The following DNER variants were observed in gnomAD, a reference collection of about 807,000 sequenced individuals.
DNER encodes the protein delta/notch like EGF repeat containing, also known as delta and Notch-like epidermal growth factor-related receptor.
A neutral mutation model predicts 78.2 loss-of-function variants in DNER; 33 were observed. The observed-to-expected ratio is 0.42, with a 90% CI of 0.32 to 0.56. The LOEUF is 0.56. Ranked by LOEUF, DNER falls within the 20% of genes least tolerant of loss-of-function variation. The pLI is 0.11. For missense variants in DNER, 918 were observed against 975.3 expected, an observed-to-expected ratio of 0.94 and a Z score of 0.78; for synonymous variants, 417 against 384.8, an observed-to-expected ratio of 1.08 and a Z score of -0.98.
intron 9 of DNER, among the ~76,000 whole-genome samples, chr2:229,414,429 G>C (rs1693598378): frequency 6.6e-6 from 1 of 151,992 alleles, no homozygotes; most frequent in South Asian, 2.1e-4. Flanking sequence ...ACCACACCTG[G>C]CTAATTTTCG....
chr2:229,381,963 C>T (rs2106332859), intron 11 of DNER, among the ~76,000 whole-genome samples: 1 of 152,298 alleles, frequency 6.6e-6, no homozygotes, highest in South Asian at 2.1e-4. Flanking sequence ...TGGGTGCCTC[C>T]TGACAGAGAG....
chr2:229,511,069 G>A (rs1695856205), intron 6 of DNER, among the ~76,000 whole-genome samples: 2 of 152,170 alleles, frequency 1.3e-5, no homozygotes, highest in African/African-American at 2.4e-5. Flanking sequence ...AAGTTTAGGT[G>A]GGAATAGATA....
chr2:229,462,069 T>C (rs1398397007), intron 7 of DNER, among the ~76,000 whole-genome samples: 1 of 152,164 alleles, frequency 6.6e-6, no homozygotes, highest in Non-Finnish European at 1.5e-5. Context: ...GTAATTTAGC[T>C]AGTTGACTTT....
intron 4 of DNER, among the ~76,000 whole-genome samples, chr2:229,570,677 G>A (rs1304306736): frequency 1.3e-5 from 2 of 152,000 alleles, no homozygotes; most frequent in African/African-American, 4.8e-5. Context: ...AGAGAGCAGG[G>A]CACAGGCATG....
At chr2:229,500,746 A>G (rs541955777) in intron 6 of DNER, among the ~76,000 whole-genome samples, 110 of 150,662 alleles carry the variant, frequency 7.3e-4, no homozygotes, top group Non-Finnish European at 1.3e-3. Context: ...CAGATTGTGT[A>G]TGGTTACAAG....
At chr2:229,496,694 T>C (rs562204254) in intron 6 of DNER, among the ~76,000 whole-genome samples, 22 of 152,140 alleles carry the variant, frequency 1.4e-4, no homozygotes, top group African/African-American at 5.1e-4. Context: ...TCAAAAACTG[T>C]AAAAAGAGGC....
intron 10 of DNER, among the ~76,000 whole-genome samples, chr2:229,392,926 A>G (rs945073311): frequency 6.6e-6 from 1 of 152,200 alleles, no homozygotes; most frequent in African/African-American, 2.4e-5. Context: ...GACATGCAAC[A>G]AAGTAGGCTC....
intron 1 of DNER, among the ~76,000 whole-genome samples, chr2:229,609,145 C>T (rs1486826872): frequency 6.6e-6 from 1 of 152,158 alleles, no homozygotes; most frequent in Non-Finnish European, 1.5e-5. Context: ...ATCACGTGAA[C>T]CCAGGAGGCA....
At chr2:229,382,295 C>T (rs1692758005) in intron 11 of DNER, among the ~76,000 whole-genome samples, 1 of 152,074 alleles carries the variant, frequency 6.6e-6, no homozygotes, top group Admixed American at 6.5e-5. Flanking sequence ...TAGATAAATC[C>T]ACGAAGATGA....
chr2:229,567,040 T>C (rs1472006160), intron 4 of DNER, among the ~76,000 whole-genome samples: 1 of 152,206 alleles, frequency 6.6e-6, no homozygotes, highest in Non-Finnish European at 1.5e-5. Context: ...AGCCTCATGC[T>C]TTGTTGCAGT....
rs1488866222 is a variant in DNER, at chr2:229,358,046, C to T, written c.*494G>A. The T allele has an allele frequency of 1.3e-5, 2 of 152,718 alleles. No homozygotes were observed. Among genetic ancestry groups the T allele is most frequent in the African/African-American group, 2.4e-5 (1 of 41,446 alleles). 9.5% of individuals were successfully genotyped at this position (152,718 alleles called of 1,614,324 possible). On this transcript the variant is annotated 3_prime_UTR_variant, in exon 13 of 13. Transcript: ENST00000341772. ...ACCCATGCACAGAATAAGGCAAAGG[C>T]TAATTTCATTCGGGTTAGGAATAGT...
intron 3 of DNER, chr2:229,586,645 G>T: frequency 1.0e-6 from 1 of 981,738 alleles, no homozygotes. Flanking sequence ...TCTCCTCACA[G>T]CCCAATGCTT....
At chr2:229,518,939 A>G (rs1696037501) in intron 5 of DNER, among the ~76,000 whole-genome samples, 1 of 148,764 alleles carries the variant, frequency 6.7e-6, no homozygotes, top group South Asian at 2.2e-4. Context: ...AACGATGCAA[A>G]TCATGCGATT....
At chr2:229,448,218 A>G (rs1316228437) in intron 7 of DNER, among the ~76,000 whole-genome samples, 1 of 152,238 alleles carries the variant, frequency 6.6e-6, no homozygotes, top group Non-Finnish European at 1.5e-5. Flanking sequence ...ACATCGTATG[A>G]CATGAATGAA....
chr2:229,698,250 C>T (rs780672772), intron 1 of DNER, among the ~76,000 whole-genome samples: 4 of 152,032 alleles, frequency 2.6e-5, no homozygotes, highest in Non-Finnish European at 5.9e-5. Context: ...TGTGGAAGGG[C>T]AAAGTGAGGC....
intron 1 of DNER, among the ~76,000 whole-genome samples, chr2:229,692,489 A>C (rs1699595368): frequency 6.6e-6 from 1 of 152,216 alleles, no homozygotes; most frequent in African/African-American, 2.4e-5. Flanking sequence ...CTTATATCAC[A>C]AGTGATTATG....
intron 6 of DNER, among the ~76,000 whole-genome samples, chr2:229,478,057 C>G (rs550077230): frequency 1.3e-5 from 2 of 152,202 alleles, no homozygotes; most frequent in South Asian, 2.1e-4. Context: ...TAATAAATTT[C>G]TCATTATAAA....
chr2:229,598,426 T>C (rs938155073), intron 1 of DNER, among the ~76,000 whole-genome samples: 4 of 152,170 alleles, frequency 2.6e-5, no homozygotes, highest in African/African-American at 9.7e-5. Flanking sequence ...CACAGTCCAA[T>C]AGATGAGTCA....
intron 5 of DNER, among the ~76,000 whole-genome samples, chr2:229,519,543 TG>T (rs929784167): frequency 1.3e-5 from 2 of 151,974 alleles, no homozygotes; most frequent in African/African-American, 4.8e-5. Flanking sequence ...TCTTAAGAAT[TG>T]AGAACAGACT....
Sources: gnomAD v4.1 joint callset for allele counts (sites outside exome capture counted in the v4.1 genomes callset) on GRCh38, gnomAD v4.1.1 for gene constraint, MANE v1.5 for transcripts, NCBI Gene and HGNC (gene_info 2026-07-23, HGNC 2026-07-21) for gene names.